Variants in RGS7 observed in about 807,000 individuals in gnomAD.
RGS7 encodes regulator of G-protein signaling 7.
A neutral mutation model predicts 81.1 loss-of-function variants in RGS7; 27 were observed. The observed-to-expected ratio is 0.33, with a 90% CI of 0.25 to 0.46. The LOEUF (loss-of-function observed/expected upper bound fraction) is 0.46, where lower values mean the gene tolerates loss of function less well. Ranked by LOEUF, RGS7 falls within the 20% of genes least tolerant of loss-of-function variation. The pLI is 1.00. For missense variants in RGS7, 396 were observed against 607.4 expected (o/e 0.65, Z 3.66); for synonymous variants, 208 against 207.7 (o/e 1.00, Z -0.01).
intron 2 of RGS7, among the ~76,000 whole-genome samples, chr1:241,153,895 C>T (rs2068930840): frequency 1.3e-5 from 2 of 152,138 alleles, no homozygotes; most frequent in Admixed American, 1.3e-4. Context: ...GGGAAGTATT[C>T]CAGGATACAG....
intron 3 of RGS7, among the ~76,000 whole-genome samples, chr1:241,080,816 T>A (rs1329362907): frequency 6.6e-6 from 1 of 152,234 alleles, no homozygotes; most frequent in East Asian, 1.9e-4. Flanking sequence ...ACATCTCTTT[T>A]ATGTCTGAAA....
chr1:240,952,612 G>A (rs1423202370), intron 4 of RGS7, among the ~76,000 whole-genome samples: 3 of 151,848 alleles, frequency 2.0e-5, no homozygotes, highest in East Asian at 1.9e-4. Flanking sequence ...CAAATGCAAT[G>A]GAGAAAATGC....
intron 2 of RGS7, among the ~76,000 whole-genome samples, chr1:241,140,854 T>C (rs1324202749): frequency 6.6e-6 from 1 of 152,192 alleles, no homozygotes; most frequent in African/African-American, 2.4e-5. Flanking sequence ...TGCTAATGAT[T>C]AACTTAAAGT....
At chr1:241,159,524 A>G (rs1195626728) in intron 2 of RGS7, among the ~76,000 whole-genome samples, 1 of 151,918 alleles carries the variant, frequency 6.6e-6, no homozygotes, top group African/African-American at 2.4e-5. Flanking sequence ...CCACTCACCT[A>G]CTCACTAATT....
At chr1:240,981,807 G>C (rs1684957154) in intron 4 of RGS7, among the ~76,000 whole-genome samples, 1 of 152,072 alleles carries the variant, frequency 6.6e-6, no homozygotes, top group Non-Finnish European at 1.5e-5. Context: ...ATCTTTTGAT[G>C]GTATTGCTTT....
chr1:240,970,768 C>T (rs1277614475), intron 4 of RGS7, among the ~76,000 whole-genome samples: 4 of 151,994 alleles, frequency 2.6e-5, no homozygotes, highest in African/African-American at 7.2e-5. Flanking sequence ...GTGGATTACT[C>T]GAGATCAGGA....
At position 241,271,292 on chromosome 1, in the gene RGS7, G is replaced by A. The variant is rs2077883631; in HGVS notation, c.78+84407C>T. 6.6e-6 allele frequency among the ~76,000 whole-genome samples: 1 copy of A among 152,126 alleles called. No homozygotes were observed. Among genetic ancestry groups the A allele is most frequent in the Admixed American group, 6.5e-5 (1 of 15,282 alleles). ...CCAAGTTTCCTGACATACTTGACGGGGGAGACTGGTGTCACATGAGGACCA... is the reference window on the plus strand; with the variant it reads ...CCAAGTTTCCTGACATACTTGACGGAGGAGACTGGTGTCACATGAGGACCA... On this transcript the variant is annotated intron_variant, in intron 2 of 18. Coordinates refer to ENST00000440928, the MANE Select transcript of RGS7 (RefSeq NM_001364886.1). This position sits in a 1 kb window ranked among gnomAD's most constrained non-coding sequence, Gnocchi z 4.6.
At chr1:240,994,048 T>C (rs1686915268) in intron 3 of RGS7, among the ~76,000 whole-genome samples, 1 of 152,210 alleles carries the variant, frequency 6.6e-6, no homozygotes, top group African/African-American at 2.4e-5. Context: ...TCTATCCTTC[T>C]ACCAACACCA....
chr1:240,873,793 C>A (rs975247921), intron 6 of RGS7, among the ~76,000 whole-genome samples: 1 of 152,060 alleles, frequency 6.6e-6, no homozygotes, highest in African/African-American at 2.4e-5. Context: ...ACTAGAACTA[C>A]AAAAGTCCAA....
intron 9 of RGS7, among the ~76,000 whole-genome samples, chr1:240,836,526 A>G (rs948328574): frequency 6.6e-6 from 1 of 152,322 alleles, no homozygotes; most frequent in East Asian, 1.9e-4. Flanking sequence ...AGGAAACAGA[A>G]TATCAAGGAT....
intron 2 of RGS7, among the ~76,000 whole-genome samples, chr1:241,203,453 A>T (rs2073665674): frequency 6.6e-6 from 1 of 151,950 alleles, no homozygotes. Context: ...GATGGTCTCG[A>T]TCTCCTGACC....
intron 9 of RGS7, among the ~76,000 whole-genome samples, chr1:240,853,223 C>T (rs1337931324): frequency 6.6e-6 from 1 of 152,114 alleles, no homozygotes. Flanking sequence ...GTATCAGTTG[C>T]AATCACTTCT....
At chr1:240,928,094 T>C (rs565444074) in intron 6 of RGS7, among the ~76,000 whole-genome samples, 4 of 152,324 alleles carry the variant, frequency 2.6e-5, no homozygotes, top group African/African-American at 7.2e-5. Flanking sequence ...GTTGCATACA[T>C]TACCCGTAGC....
At chr1:241,116,208 G>A (rs2065877826) in intron 2 of RGS7, among the ~76,000 whole-genome samples, 1 of 152,098 alleles carries the variant, frequency 6.6e-6, no homozygotes, top group Admixed American at 6.6e-5. Flanking sequence ...TCTAAAACTT[G>A]CATTATACAT....
intron 2 of RGS7, among the ~76,000 whole-genome samples, chr1:241,261,290 T>C (rs997261633): frequency 3.9e-5 from 6 of 151,974 alleles, no homozygotes; most frequent in Admixed American, 6.6e-5. Context: ...CAGAAGTGCA[T>C]GCAGCTGGGA....
chr1:240,829,447 G>A (rs764998363), intron 9 of RGS7, among the ~76,000 whole-genome samples: 1 of 152,152 alleles, frequency 6.6e-6, no homozygotes, highest in Non-Finnish European at 1.5e-5. Context: ...GACCCCCGGG[G>A]ATTTTAATCT....
At chr1:241,016,730 T>C (rs1441428847) in intron 3 of RGS7, among the ~76,000 whole-genome samples, 1 of 152,150 alleles carries the variant, frequency 6.6e-6, no homozygotes, top group Non-Finnish European at 1.5e-5. Flanking sequence ...AAATTTGAAG[T>C]GGGTTTTTTT....
chr1:240,973,647 T>G (rs1683612531), intron 4 of RGS7, among the ~76,000 whole-genome samples: 1 of 152,096 alleles, frequency 6.6e-6, no homozygotes, highest in South Asian at 2.1e-4. Context: ...TGGAGTGCAG[T>G]GGTGCCATCT....
intron 3 of RGS7, among the ~76,000 whole-genome samples, chr1:241,022,320 C>T (rs993813414): frequency 6.6e-6 from 1 of 152,210 alleles, no homozygotes; most frequent in African/African-American, 2.4e-5. Context: ...GGGAGCAACG[C>T]AGTTTAGAGT....
Sources: gnomAD v4.1 joint callset for allele counts (sites outside exome capture counted in the v4.1 genomes callset) on GRCh38, gnomAD v4.1.1 for gene constraint, Gnocchi (gnomAD v3.1) non-coding constraint, MANE v1.5 for transcripts, NCBI Gene and HGNC (gene_info 2026-07-23, HGNC 2026-07-21) for gene names.